The following ASTN2 variants were observed in gnomAD, a reference collection of about 807,000 sequenced individuals.
ASTN2 encodes the protein astrotactin 2.
ASTN2 carries 54 observed loss-of-function variants against 139.8 expected under a neutral mutation model. The ratio of observed to expected loss-of-function variants is 0.39; its 90% CI spans 0.31 to 0.48. The LOEUF (loss-of-function observed/expected upper bound fraction) is 0.48. Ranked by LOEUF, ASTN2 falls within the 20% of genes least tolerant of loss-of-function variation. ASTN2 has a pLI of 0.95. For missense variants in ASTN2, 1,565 were observed against 1,725.1 expected (o/e 0.91, Z 1.64); for synonymous variants, 756 against 719.5 (o/e 1.05, Z -0.81).
At chr9:116,465,477 T>C (rs1278452311) in intron 20 of ASTN2, among the ~76,000 whole-genome samples, 1 of 152,198 alleles carries the variant, frequency 6.6e-6, no homozygotes, top group African/African-American at 2.4e-5. Context: ...GAACACATTA[T>C]TAAAATATTT....
chr9:117,187,515 A>G (rs1831232227), intron 3 of ASTN2, among the ~76,000 whole-genome samples: 1 of 152,202 alleles, frequency 6.6e-6, no homozygotes, highest in Non-Finnish European at 1.5e-5. Flanking sequence ...TTCTGACCTC[A>G]TTAATAGGTT....
At chr9:116,464,692 C>T (rs934008598) in intron 20 of ASTN2, among the ~76,000 whole-genome samples, 3 of 152,152 alleles carry the variant, frequency 2.0e-5, no homozygotes, top group Admixed American at 1.3e-4. Flanking sequence ...TTCTGTGTGC[C>T]AGTTGAGTCT....
chr9:116,748,297 T>G (rs968190243), intron 13 of ASTN2, among the ~76,000 whole-genome samples: 14 of 152,254 alleles, frequency 9.2e-5, no homozygotes, highest in African/African-American at 2.9e-4. Flanking sequence ...AGTGAATAAT[T>G]CCCTGGTTAA....
intron 17 of ASTN2, among the ~76,000 whole-genome samples, chr9:116,629,110 C>G (rs1185966587): frequency 1.5e-5 from 2 of 136,212 alleles, no homozygotes; most frequent in South Asian, 2.5e-4. Context: ...TTTCCAGTAA[C>G]TCTTTTTTTT....
At chr9:117,195,836 T>G (rs971232944) in intron 3 of ASTN2, among the ~76,000 whole-genome samples, 21 of 152,288 alleles carry the variant, frequency 1.4e-4, no homozygotes, top group African/African-American at 5.1e-4. Context: ...CCCTGCACCC[T>G]TGGGGACCAC....
chr9:116,447,551 A>G (rs916072980), intron 20 of ASTN2, among the ~76,000 whole-genome samples: 9 of 152,206 alleles, frequency 5.9e-5, no homozygotes, highest in African/African-American at 1.7e-4. Flanking sequence ...AAATGAATGG[A>G]ATAACAAGAG....
At chr9:116,695,245 A>G (rs935977238) in intron 16 of ASTN2, among the ~76,000 whole-genome samples, 9 of 152,222 alleles carry the variant, frequency 5.9e-5, no homozygotes, top group Admixed American at 1.3e-4. Context: ...TCTGTAAAAT[A>G]GGATAATAAA....
At chr9:117,309,561 T>C (rs187542052) in intron 1 of ASTN2, among the ~76,000 whole-genome samples, 122 of 152,280 alleles carry the variant, frequency 8.0e-4, no homozygotes, top group African/African-American at 2.9e-3. Context: ...CAGTGATGCC[T>C]CCAAGTTCTT....
At chr9:116,512,994 AT>A (rs1036332524) in intron 19 of ASTN2, among the ~76,000 whole-genome samples, 1 of 152,156 alleles carries the variant, frequency 6.6e-6, no homozygotes, top group Admixed American at 6.5e-5. Context: ...CATTTAGCCC[AT>A]TTACATTTAA....
intron 19 of ASTN2, among the ~76,000 whole-genome samples, chr9:116,547,163 C>T (rs545250686): frequency 6.6e-6 from 1 of 152,238 alleles, no homozygotes; most frequent in South Asian, 2.1e-4. Flanking sequence ...ACCAAGGTCA[C>T]AAGGGTGGAC....
chr9:116,606,406 T>C (rs548299320), intron 19 of ASTN2, among the ~76,000 whole-genome samples: 20 of 152,218 alleles, frequency 1.3e-4, no homozygotes, highest in Non-Finnish European at 2.4e-4. Context: ...TGTGTGTGTA[T>C]GTGTGTGTTT....
intron 17 of ASTN2, among the ~76,000 whole-genome samples, chr9:116,639,529 C>A (rs1857230566): frequency 6.6e-6 from 1 of 152,166 alleles, no homozygotes; most frequent in South Asian, 2.1e-4. Context: ...CCACTGTTGA[C>A]TGAAGTTGCC....
intron 19 of ASTN2, among the ~76,000 whole-genome samples, chr9:116,491,105 C>T (rs977370329): frequency 7.2e-5 from 11 of 152,140 alleles, no homozygotes; most frequent in African/African-American, 1.4e-4. Flanking sequence ...AACTGGCTCA[C>T]CTGCAGTATA....
At chr9:116,769,580 T>C (rs1315989733) in intron 13 of ASTN2, among the ~76,000 whole-genome samples, 1 of 152,208 alleles carries the variant, frequency 6.6e-6, no homozygotes, top group Admixed American at 6.5e-5. Context: ...AATGACATTG[T>C]ATTCCTTAAA....
At chr9:117,098,692 T>G (rs1166581058) in intron 4 of ASTN2, among the ~76,000 whole-genome samples, 1 of 151,644 alleles carries the variant, frequency 6.6e-6, no homozygotes, top group Non-Finnish European at 1.5e-5. Context: ...GGCAGGGACC[T>G]CATGGAGATT....
chr9:117,022,442 C>CA (rs143095854), intron 6 of ASTN2, among the ~76,000 whole-genome samples: 1,850 of 75,422 alleles, frequency 0.025, 47 homozygotes, highest in African/African-American at 0.063. Context: ...TATCCCAGGG[C>CA]AAAAAAAAAA....
intron 5 of ASTN2, among the ~76,000 whole-genome samples, chr9:117,055,312 G>C (rs1374500327): frequency 6.6e-6 from 1 of 152,176 alleles, no homozygotes; most frequent in Non-Finnish European, 1.5e-5. Context: ...TGAACCATTA[G>C]GTATATCAAG....
chr9:116,617,605 C>A (rs568671312), intron 19 of ASTN2, among the ~76,000 whole-genome samples: 1 of 152,258 alleles, frequency 6.6e-6, no homozygotes, highest in African/African-American at 2.4e-5. Context: ...ACTAACTCTC[C>A]TAAAATTGTG....
chr9:117,191,487 C>T (rs572853692), intron 3 of ASTN2, among the ~76,000 whole-genome samples: 1 of 152,252 alleles, frequency 6.6e-6, no homozygotes, highest in East Asian at 1.9e-4. Context: ...CACTAATGAG[C>T]ATGCATAACT....
Sources: gnomAD v4.1 joint callset for allele counts (sites outside exome capture counted in the v4.1 genomes callset) on GRCh38, gnomAD v4.1.1 for gene constraint, MANE v1.5 for transcripts, NCBI Gene and HGNC (gene_info 2026-07-23, HGNC 2026-07-21) for gene names.